The following FRMPD4 variants were observed in gnomAD, a reference collection of about 807,000 sequenced individuals.
The protein encoded by FRMPD4 is FERM and PDZ domain containing 4, also known as FERM and PDZ domain-containing protein 4.
FRMPD4 carries 22 observed loss-of-function variants against 94.1 expected under a neutral mutation model. That is an observed-to-expected ratio of 0.23 (90% CI 0.17 to 0.33). FRMPD4 has a LOEUF of 0.33. FRMPD4 is among the 10% of genes least tolerant of loss of function. The pLI is 1.00. For synonymous variants in FRMPD4, 631 were observed against 548.6 expected (o/e 1.15, Z -2.10); for missense variants, 1,111 against 1,339.9 (o/e 0.83, Z 2.67).
chrX:12,599,783 C>T (rs2059067688), intron 2 of FRMPD4, among the ~76,000 whole-genome samples: 1 of 111,347 alleles, frequency 9.0e-6, no homozygotes, highest in Non-Finnish European at 1.9e-5. Flanking sequence ...GAAATCCTTA[C>T]ATTTTTTTTG....
intron 1 of FRMPD4, among the ~76,000 whole-genome samples, chrX:12,400,609 G>A (rs368483824): frequency 9.0e-6 from 1 of 111,543 alleles, no homozygotes; most frequent in Non-Finnish European, 1.9e-5. Context: ...TGCCCTTTTC[G>A]ACCTAGGATG....
intron 1 of FRMPD4, among the ~76,000 whole-genome samples, chrX:12,420,979 T>A (rs1262227007): frequency 8.9e-6 from 1 of 112,780 alleles, no homozygotes; most frequent in African/African-American, 3.2e-5. Context: ...TGTCAAACAA[T>A]CACAGGTGGC....
At chrX:11,858,020 G>T (rs2053663084) in intron 1 of FRMPD4, among the ~76,000 whole-genome samples, 1 of 111,600 alleles carries the variant, frequency 9.0e-6, no homozygotes, top group Non-Finnish European at 1.9e-5. Context: ...TCTCACACCA[G>T]TAAGAATGAC....
intron 2 of FRMPD4, among the ~76,000 whole-genome samples, chrX:12,590,817 GT>G (rs1249933402): frequency 2.7e-5 from 3 of 111,661 alleles, no homozygotes; most frequent in Non-Finnish European, 5.6e-5. Context: ...ATTTAGGTAT[GT>G]TTCATCCACT....
chrX:11,985,441 C>T (rs146444673), intron 3 of FRMPD4, among the ~76,000 whole-genome samples: 1,941 of 112,044 alleles, frequency 0.017, 25 homozygotes, highest in Non-Finnish European at 0.027. Flanking sequence ...GATGCTGAGA[C>T]CTGCTGGCTT....
intron 2 of FRMPD4, among the ~76,000 whole-genome samples, chrX:12,507,434 T>C (rs756346380): frequency 8.9e-6 from 1 of 112,116 alleles, no homozygotes. Context: ...TAAAACTTTA[T>C]TTACAAAAAC....
At chrX:11,976,308 A>G (rs1274364314) in intron 3 of FRMPD4, among the ~76,000 whole-genome samples, 1 of 112,431 alleles carries the variant, frequency 8.9e-6, no homozygotes, top group African/African-American at 3.2e-5. Flanking sequence ...AAGTAAGGAA[A>G]TAAAAAAATT....
intron 6 of FRMPD4, among the ~76,000 whole-genome samples, chrX:12,684,788 T>C (rs2060004381): frequency 1.8e-5 from 2 of 112,461 alleles, no homozygotes; most frequent in Admixed American, 9.4e-5. Flanking sequence ...AGAAAGAATA[T>C]GATTCTAGAA....
chrX:12,509,375 A>T (rs1433687135), intron 2 of FRMPD4, among the ~76,000 whole-genome samples: 1 of 112,253 alleles, frequency 8.9e-6, no homozygotes, highest in African/African-American at 3.2e-5. Context: ...ACTTTGGTGT[A>T]TATATATACG....
chrX:12,142,681 A>T (rs1005465564), intron 1 of FRMPD4, among the ~76,000 whole-genome samples: 1 of 112,203 alleles, frequency 8.9e-6, no homozygotes, highest in Non-Finnish European at 1.9e-5. Flanking sequence ...AGGAATATTT[A>T]ACTCTAGTTT....
At chrX:12,360,272 A>T (rs906636054) in intron 1 of FRMPD4, among the ~76,000 whole-genome samples, 4 of 111,837 alleles carry the variant, frequency 3.6e-5, no homozygotes, top group East Asian at 2.8e-4. Context: ...TCTATCCTGA[A>T]TCTGGTTGGG....
chrX:12,724,016 A>T lies in FRMPD4; in HGVS notation c.*2158A>T, dbSNP rs1380351607. 1 of 112,380 alleles carries T rather than the reference A, an allele frequency of 8.9e-6. No individual in the cohort carries two copies. The highest frequency in any genetic ancestry group is 1.9e-5 in the Non-Finnish European group (1 of 53,316). The allele number at this position is 112,380 out of a possible 1,213,427, so 9.3% of individuals were successfully genotyped here. On this transcript the variant is annotated 3_prime_UTR_variant, in exon 17 of 17. Coordinates refer to ENST00000675598, the MANE Select transcript of FRMPD4 (RefSeq NM_001368397.1). ...TATTCAATTAATGTTAGCTATTATTATCATCATAATCGTTGTGTTAAATAT... is the reference window on the plus strand; with the variant it reads ...TATTCAATTAATGTTAGCTATTATTTTCATCATAATCGTTGTGTTAAATAT...
At chrX:12,617,370 C>T (rs1021258446) in intron 4 of FRMPD4, among the ~76,000 whole-genome samples, 1 of 112,429 alleles carries the variant, frequency 8.9e-6, no homozygotes, top group African/African-American at 3.2e-5. Context: ...TGCTTTCCTG[C>T]TACAATAACA....
At chrX:12,470,663 A>T (rs1314223667) in intron 1 of FRMPD4, among the ~76,000 whole-genome samples, 1 of 112,185 alleles carries the variant, frequency 8.9e-6, no homozygotes, top group East Asian at 2.8e-4. Flanking sequence ...CATTTCAGAT[A>T]TAATTATAAC....
intron 1 of FRMPD4, among the ~76,000 whole-genome samples, chrX:12,411,526 A>G (rs1300694772): frequency 8.9e-6 from 1 of 112,492 alleles, no homozygotes; most frequent in Non-Finnish European, 1.9e-5. Flanking sequence ...TGAGGACCAT[A>G]TAAATAGCAA....
chrX:12,490,782 C>A (rs184101995), intron 1 of FRMPD4, among the ~76,000 whole-genome samples: 192 of 111,441 alleles, frequency 1.7e-3, no homozygotes, highest in African/African-American at 5.8e-3. Context: ...CTACTTTATT[C>A]TTCCCTGATT....
chrX:12,368,808 G>A (rs2056121609), intron 1 of FRMPD4, among the ~76,000 whole-genome samples: 1 of 111,606 alleles, frequency 9.0e-6, no homozygotes, highest in South Asian at 3.8e-4. Flanking sequence ...GAACCTGGGA[G>A]GTGGATGTTG....
chrX:12,623,298 AAGGAG>A (rs760510085), intron 4 of FRMPD4, among the ~76,000 whole-genome samples: 2 of 12,337 alleles, frequency 1.6e-4, no homozygotes, highest in Non-Finnish European at 4.0e-4. Context: ...GAGGAGAGGA[AAGGAG>A]AGGAGAGGAG....
At chrX:12,046,490 C>A (rs1030467665) in intron 3 of FRMPD4, among the ~76,000 whole-genome samples, 15 of 111,283 alleles carry the variant, frequency 1.3e-4, no homozygotes, top group Non-Finnish European at 2.5e-4. Context: ...CCCAAGACTG[C>A]CCCCGACCCC....
Sources: gnomAD v4.1 joint callset for allele counts (sites outside exome capture counted in the v4.1 genomes callset) on GRCh38, gnomAD v4.1.1 for gene constraint, MANE v1.5 for transcripts, NCBI Gene and HGNC (gene_info 2026-07-23, HGNC 2026-07-21) for gene names.